Variants in ZMYM2 observed in about 807,000 individuals in gnomAD.
The protein encoded by ZMYM2 is zinc finger MYM-type containing 2, also known as zinc finger MYM-type protein 2.
In ZMYM2, 56 loss-of-function variants were observed where a neutral mutation model predicts 162.8. That is an observed-to-expected ratio of 0.34 (90% CI 0.28 to 0.43). The LOEUF (loss-of-function observed/expected upper bound fraction) is 0.43. Among genes scored for constraint, ZMYM2 ranks in the 20% least tolerant of loss-of-function variants. The pLI is 1.00. For missense variants in ZMYM2, 1,275 were observed against 1,621.8 expected, an observed-to-expected ratio of 0.79 and a Z score of 3.67; for synonymous variants, 510 against 541.6, an observed-to-expected ratio of 0.94 and a Z score of 0.81.
chr13:20,061,370 A>AT, intron 17 of ZMYM2, 146 bp downstream of exon 17: 2 of 651,286 alleles, frequency 3.1e-6, no homozygotes, highest in South Asian at 3.0e-5. Flanking sequence ...TTTTTATATT[A>AT]AGAGATCTAC....
At chr13:20,017,080 G>A (rs564923530) in intron 6 of ZMYM2, among the ~76,000 whole-genome samples, 1 of 152,240 alleles carries the variant, frequency 6.6e-6, no homozygotes, top group Non-Finnish European at 1.5e-5. Context: ...ACTGCAAATT[G>A]TTGGTAAAAG....
the ZMYM2 span, among the ~76,000 whole-genome samples, chr13:19,884,485 G>A: frequency 1.3e-5 from 2 of 152,118 alleles, no homozygotes; most frequent in Non-Finnish European, 2.9e-5. Flanking sequence ...GGCCGAGGCA[G>A]GAAAATAGCG....
At chr13:20,020,279 G>A (rs1301032203) in intron 7 of ZMYM2, among the ~76,000 whole-genome samples, 1 of 147,280 alleles carries the variant, frequency 6.8e-6, no homozygotes. Context: ...TTGTTGCCCA[G>A]GCTGGAGTGC....
chr13:20,029,567 C>T (rs1369931259), intron 9 of ZMYM2, among the ~76,000 whole-genome samples: 1 of 152,068 alleles, frequency 6.6e-6, no homozygotes, highest in Admixed American at 6.5e-5. Flanking sequence ...TTTTCACAAA[C>T]TTAGTGTTGT....
chr13:19,883,906 A>AC, the ZMYM2 span, among the ~76,000 whole-genome samples: 3 of 152,020 alleles, frequency 2.0e-5, no homozygotes, highest in African/African-American at 7.2e-5. Flanking sequence ...ACAAGGGCCC[A>AC]CCCCCACATC....
At chr13:19,950,568 G>A in the ZMYM2 span, among the ~76,000 whole-genome samples, 1 of 152,144 alleles carries the variant, frequency 6.6e-6, no homozygotes, top group Non-Finnish European at 1.5e-5. Context: ...ATGTTTCTGG[G>A]CCTCATTTCT....
Position 20,085,854 on chromosome 13 carries a change from T to C in ZMYM2, c.3974T>C (p.Phe1325Ser). 6.2e-7 allele frequency: 1 copy of C among 1,612,008 alleles called. No homozygotes were observed. The highest frequency in any genetic ancestry group is 8.5e-7 in the Non-Finnish European group (1 of 1,178,912). The change falls in exon 25 of 25, where the codon TTT becomes TCT. Residue 1325 changes from phenylalanine to serine, a missense_variant. By Grantham distance (155) the Phe-to-Ser change is radical. Transcript: ENST00000610343. ...AATCTTAATCAGAGGATGGATGTTT[T>C]TTATTTGCAACCAGAATGCTCTAGT... is the stretch of plus-strand genomic sequence containing the variant. ...PQNLNQRMDV[F>S]YLQPECSSST...
the ZMYM2 span, among the ~76,000 whole-genome samples, chr13:19,910,534 C>T: frequency 0.8 from 118,000 of 147,598 alleles, 48,115 homozygotes; most frequent in East Asian, 0.95. Context: ...CTCTCTCTCT[C>T]TTTTTTTTTT....
intron 12 of ZMYM2, among the ~76,000 whole-genome samples, chr13:20,048,373 C>T (rs765497652): frequency 1.3e-4 from 20 of 151,608 alleles, no homozygotes; most frequent in Non-Finnish European, 2.4e-4. Flanking sequence ...TTTTTGGTCA[C>T]CGGAGAATTC....
At chr13:19,903,551 A>T in the ZMYM2 span, among the ~76,000 whole-genome samples, 1 of 150,698 alleles carries the variant, frequency 6.6e-6, no homozygotes, top group East Asian at 1.9e-4. Flanking sequence ...ATTTTATGTT[A>T]TGTATATTTT....
rs1441653214 is a variant in ZMYM2, at chr13:20,019,562, A to G, written c.1528A>G (p.Ser510Gly). The G allele has an allele frequency of 4.4e-6, 7 of 1,591,430 alleles. No homozygotes were observed. Among genetic ancestry groups the G allele is most frequent in the Non-Finnish European group, 4.3e-6 (5 of 1,168,296 alleles). The change falls in exon 7 of 25, where the codon AGC becomes GGC. Residue 510 changes from serine to glycine, a missense_variant. By Grantham distance (56) the Ser-to-Gly change is moderately conservative (BLOSUM62 0). Transcript: ENST00000610343. ...CTTTTTTTAGGTAGGTAGCCATCCA[A>G]GCTTCCTGAAGGAGGTTCGAGATCA... Reference protein sequence around the residue: ...SEYKQVGSHPSFLKEVRDHMQ... With the variant: ...SEYKQVGSHPGFLKEVRDHMQ...
chr13:20,008,706 A>G (rs887185093), intron 6 of ZMYM2, among the ~76,000 whole-genome samples: 1 of 152,156 alleles, frequency 6.6e-6, no homozygotes, highest in Admixed American at 6.5e-5. Context: ...TTTTGCATTG[A>G]TATTTATAAG....
chr13:19,975,364 C>G (rs539270534), intron 2 of ZMYM2, among the ~76,000 whole-genome samples: 1 of 152,272 alleles, frequency 6.6e-6, no homozygotes, highest in South Asian at 2.1e-4. Flanking sequence ...TCCTCAAGCC[C>G]CTGGTAACTT....
intron 14 of ZMYM2, among the ~76,000 whole-genome samples, chr13:20,052,634 A>G (rs1474983741): frequency 6.6e-6 from 1 of 152,204 alleles, no homozygotes; most frequent in Non-Finnish European, 1.5e-5. Context: ...TGGCAATAGT[A>G]TGTTTGAAAT....
intron 2 of ZMYM2, among the ~76,000 whole-genome samples, chr13:19,992,217 A>C (rs966543819): frequency 6.6e-6 from 1 of 152,182 alleles, no homozygotes; most frequent in African/African-American, 2.4e-5. Context: ...ATTTAATTGT[A>C]CAATTAATGG....
At chr13:20,026,528 GCA>G in intron 7 of ZMYM2, 82 bp from the exon 8 acceptor site, 1 of 1,383,708 alleles carries the variant, frequency 7.2e-7, no homozygotes, top group Non-Finnish European at 9.6e-7. Flanking sequence ...TTTTGCAGAG[GCA>G]AAAAGTGTAA....
chr13:19,890,505 T>TAAAAAAA, the ZMYM2 span, among the ~76,000 whole-genome samples: 62,347 of 98,150 alleles, frequency 0.64, 22,020 homozygotes, highest in East Asian at 0.93. Flanking sequence ...AGTGCTTTTG[T>TAAAAAAA]AAAAAAAAAA....
rs200909961 is a variant in ZMYM2 at position 20,011,546 on chromosome 13, TTGA to T, written c.1512+4963_1512+4965del. On this transcript the variant is annotated intron_variant, in intron 6 of 24. Transcript: ENST00000610343. ...TGTTTTACTTTCTCAATAATGTCCTTTGATGTGCAGAAGTTTTTATTTTTTTGT... is the reference window on the plus strand; with the variant it reads ...TGTTTTACTTTCTCAATAATGTCCTTTGTGCAGAAGTTTTTATTTTTTTGT... Among the ~76,000 whole-genome samples, 438 of 152,040 alleles carry T rather than the reference TTGA, an allele frequency of 2.9e-3. 3 individuals are homozygous for T. Among genetic ancestry groups the T allele is most frequent in the African/African-American group, 9.9e-3 (410 of 41,512 alleles).
chr13:19,959,215 C>CG (rs2139000470), intron 1 of ZMYM2, among the ~76,000 whole-genome samples: 1 of 147,508 alleles, frequency 6.8e-6, no homozygotes, highest in African/African-American at 2.5e-5. Context: ...GGGTGCCGGC[C>CG]GCCCGGGGAG....
Sources: gnomAD v4.1 joint callset for allele counts (sites outside exome capture counted in the v4.1 genomes callset) on GRCh38, gnomAD v4.1.1 for gene constraint, MANE v1.5 for transcripts, NCBI Gene and HGNC (gene_info 2026-07-23, HGNC 2026-07-21) for gene names.